Variants in CDC42SE2 observed in about 807,000 individuals in gnomAD.
CDC42SE2 encodes the protein CDC42 small effector protein 2.
In CDC42SE2, 3 loss-of-function variants were observed where a neutral mutation model predicts 11.5. The ratio of observed to expected loss-of-function variants is 0.26; its 90% CI spans 0.12 to 0.67. The LOEUF is 0.67. CDC42SE2 is among the 30% of genes least tolerant of loss of function. CDC42SE2 has a pLI of 0.80. For synonymous variants in CDC42SE2, 33 were observed against 34.8 expected (o/e 0.95, Z 0.18); for missense variants, 82 against 106.8 (o/e 0.77, Z 1.02).
intron 1 of CDC42SE2, among the ~76,000 whole-genome samples, chr5:131,289,240 C>A (rs1343848961): frequency 6.6e-6 from 1 of 152,176 alleles, no homozygotes; most frequent in Admixed American, 6.5e-5. Context: ...TCCTCATAGT[C>A]AAACCAGCCA....
Position 131,334,355 on chromosome 5 carries a change from A to C in CDC42SE2, c.-286+18211A>C, listed in dbSNP as rs181242759. 1.2e-4 allele frequency among the ~76,000 whole-genome samples: 19 copies of C among 152,260 alleles called. No homozygotes were observed. In the East Asian group the frequency reaches 3.5e-3, roughly 28 times the overall value. On this transcript the variant is annotated intron_variant, in intron 2 of 4. Transcript: ENST00000505065. ...GATAAGCTTTTTGATGTGTTGCTGG[A>C]TTTGGTTTGCCAGTATTTTATTGAG...
chr5:131,233,334 A>G, the CDC42SE2 span, among the ~76,000 whole-genome samples: 1 of 152,138 alleles, frequency 6.6e-6, no homozygotes, highest in African/African-American at 2.4e-5. Flanking sequence ...GTCACCTACT[A>G]TGGATATTTA....
Position 131,312,407 on chromosome 5 carries a change from T to C in CDC42SE2, c.-454-3569T>C, listed in dbSNP as rs182513814. 4.1e-3 allele frequency among the ~76,000 whole-genome samples: 630 copies of C among 152,314 alleles called. 5 individuals carry two copies. Among genetic ancestry groups the C allele is most frequent in the African/African-American group, 0.013 (546 of 41,560 alleles). ...TACTGCTTTTTGTTTGTCTGTGCCCTGCCCCAAGAGGTGGAGCCTACAGAG... is the reference window on the plus strand; with the variant it reads ...TACTGCTTTTTGTTTGTCTGTGCCCCGCCCCAAGAGGTGGAGCCTACAGAG... On this transcript the variant is annotated intron_variant, in intron 1 of 4. Transcript: ENST00000505065.
At chr5:131,221,930 A>G in the CDC42SE2 span, among the ~76,000 whole-genome samples, 1 of 152,232 alleles carries the variant, frequency 6.6e-6, no homozygotes, top group African/African-American at 2.4e-5. Flanking sequence ...GAATATAGCA[A>G]GTTACCATTG....
chr5:131,311,675 C>G (rs1181809632), intron 1 of CDC42SE2, among the ~76,000 whole-genome samples: 1 of 152,180 alleles, frequency 6.6e-6, no homozygotes, highest in Non-Finnish European at 1.5e-5. Context: ...CTTCCCTTCT[C>G]ACTTCATTTC....
At chr5:131,305,069 C>T (rs1757753947) in intron 1 of CDC42SE2, among the ~76,000 whole-genome samples, 1 of 152,066 alleles carries the variant, frequency 6.6e-6, no homozygotes, top group Non-Finnish European at 1.5e-5. Flanking sequence ...TGCTTTTCCA[C>T]CACTAGAGAT....
At chr5:131,216,086 A>C in the CDC42SE2 span, among the ~76,000 whole-genome samples, 1 of 152,250 alleles carries the variant, frequency 6.6e-6, no homozygotes, top group African/African-American at 2.4e-5. Flanking sequence ...TTTTCAGAGG[A>C]GGAAAATGCT....
chr5:131,241,353 A>C (rs1239392379), upstream of CDC42SE2, among the ~76,000 whole-genome samples: 1 of 151,938 alleles, frequency 6.6e-6, no homozygotes, highest in African/African-American at 2.4e-5. Flanking sequence ...TAAACACTGA[A>C]CCTATCCGGG....
chr5:131,326,388 T>G (rs1260273449), intron 2 of CDC42SE2, among the ~76,000 whole-genome samples: 1 of 152,226 alleles, frequency 6.6e-6, no homozygotes, highest in Non-Finnish European at 1.5e-5. Context: ...AATTTCTAGT[T>G]TTATCCCATT....
intron 2 of CDC42SE2, among the ~76,000 whole-genome samples, chr5:131,320,887 T>C (rs1020616197): frequency 1.3e-5 from 2 of 152,206 alleles, no homozygotes; most frequent in Non-Finnish European, 2.9e-5. Flanking sequence ...AGAAAATTAT[T>C]TTTTTTCTTT....
intron 1 of CDC42SE2, among the ~76,000 whole-genome samples, chr5:131,309,987 A>G (rs1390838640): frequency 6.6e-6 from 1 of 152,082 alleles, no homozygotes. Flanking sequence ...GCCTTCTTCT[A>G]GCTTTTGAAT....
chr5:131,317,614 A>G (rs1005369569), intron 2 of CDC42SE2, among the ~76,000 whole-genome samples: 5 of 151,858 alleles, frequency 3.3e-5, no homozygotes, highest in African/African-American at 1.2e-4. Context: ...AAGCTCTGTG[A>G]AACAAATCAT....
At chr5:131,330,183 T>A (rs1758391764) in intron 2 of CDC42SE2, among the ~76,000 whole-genome samples, 1 of 152,172 alleles carries the variant, frequency 6.6e-6, no homozygotes. Flanking sequence ...CAGTTGGGCC[T>A]ATGTCTGCGC....
chr5:131,315,164 C>T (rs530034252), intron 1 of CDC42SE2, among the ~76,000 whole-genome samples: 38 of 151,874 alleles, frequency 2.5e-4, no homozygotes, highest in African/African-American at 8.2e-4. Context: ...AGGTTGGACA[C>T]GTTAGATTTT....
Position 131,359,313 on chromosome 5 carries a change from A to G in CDC42SE2, c.-181A>G, listed in dbSNP as rs1030013517. The G allele has an allele frequency of 4.8e-6, 3 of 620,720 alleles. No individual in the cohort carries two copies. Among genetic ancestry groups the G allele is most frequent in the African/African-American group, 1.8e-5 (1 of 54,344 alleles). The allele number at this position is 620,720 out of a possible 1,614,324, so 38.5% of individuals were successfully genotyped here. On this transcript the variant is annotated 5_prime_UTR_variant, in exon 3 of 5. Coordinates refer to ENST00000505065, the MANE Select transcript of CDC42SE2 (RefSeq NM_001375635.1). ...AGAAGCAAAGAAAGGAAACAATCCAAATTTTTCTTTATTAAATCGACTGTG... is the reference window on the plus strand; with the variant it reads ...AGAAGCAAAGAAAGGAAACAATCCAGATTTTTCTTTATTAAATCGACTGTG...
chr5:131,346,838 G>A lies in CDC42SE2; in HGVS notation c.-285-12371G>A, dbSNP rs181467119. 7.3e-3 allele frequency among the ~76,000 whole-genome samples: 1,114 copies of A among 152,264 alleles called. 15 individuals carry two copies. Among genetic ancestry groups the A allele is most frequent in the African/African-American group, 0.026 (1,068 of 41,540 alleles). ...ACAGTGCAATCAAACTAGAACTCAG[G>A]ATTAAGAAACTCACTCAAAATCACT... On this transcript the variant is annotated intron_variant, in intron 2 of 4. Coordinates refer to ENST00000505065, the MANE Select transcript of CDC42SE2 (RefSeq NM_001375635.1).
chr5:131,342,264 G>T (rs1261881118), intron 2 of CDC42SE2, among the ~76,000 whole-genome samples: 2 of 100,710 alleles, frequency 2.0e-5, no homozygotes, highest in Non-Finnish European at 3.8e-5. Context: ...TGGTGACAGA[G>T]TAAGACTCCT....
At chr5:131,336,846 G>A (rs193223723) in intron 2 of CDC42SE2, among the ~76,000 whole-genome samples, 1 of 152,228 alleles carries the variant, frequency 6.6e-6, no homozygotes, top group Non-Finnish European at 1.5e-5. Context: ...ACTTCTCTGA[G>A]TTGATTATTG....
At chr5:131,262,971 G>T (rs1756763846), upstream of CDC42SE2, among the ~76,000 whole-genome samples, 4 of 149,212 alleles carry the variant, frequency 2.7e-5, no homozygotes, top group Non-Finnish European at 5.9e-5. Flanking sequence ...TTTTTTTTTG[G>T]AACACGTGTC....
Sources: allele counts gnomAD v4.1 joint callset (sites outside exome capture counted in the v4.1 genomes callset), GRCh38; gene constraint gnomAD v4.1.1; transcripts MANE v1.5; gene names NCBI Gene and HGNC (gene_info 2026-07-23, HGNC 2026-07-21).